MECR: variants seen among roughly 807,000 people sequenced by gnomAD.
MECR encodes the protein enoyl-[acyl-carrier-protein] reductase, mitochondrial.
A neutral mutation model predicts 49.1 loss-of-function variants in MECR; 37 were observed. The ratio of observed to expected loss-of-function variants is 0.75; its 90% confidence interval spans 0.58 to 0.99. The LOEUF (loss-of-function observed/expected upper bound fraction) is 0.99, where lower values mean the gene tolerates loss of function less well. Among genes scored for constraint, MECR ranks in the 50% least tolerant of loss-of-function variants. The pLI, the probability that MECR is intolerant of heterozygous loss-of-function variation, is 0.00. For missense variants in MECR, 470 were observed against 479.6 expected (o/e 0.98, Z 0.19); for synonymous variants, 198 against 191.1 (o/e 1.04, Z -0.30).
chr1:29,190,268 G>A (rs889447685), downstream of MECR, among the ~76,000 whole-genome samples: 1 of 152,168 alleles, frequency 6.6e-6, no homozygotes, highest in African/African-American at 2.4e-5. Flanking sequence ...CCAGCTATTC[G>A]GGAGGCTGAG....
the MECR span, among the ~76,000 whole-genome samples, chr1:29,174,697 T>TG: frequency 7.0e-6 from 1 of 142,424 alleles, no homozygotes; most frequent in African/African-American, 2.6e-5. Context: ...TTTTTTTTGA[T>TG]GGAGTCTTGC....
intron 3 of MECR, among the ~76,000 whole-genome samples, chr1:29,207,802 G>A (rs890076680): frequency 6.6e-6 from 1 of 152,062 alleles, no homozygotes; most frequent in Non-Finnish European, 1.5e-5. Flanking sequence ...TTGTAAGGGC[G>A]ATTCAGAGAG....
intron 7 of MECR, among the ~76,000 whole-genome samples, chr1:29,196,519 T>G (rs1674042983): frequency 6.6e-6 from 1 of 151,948 alleles, no homozygotes; most frequent in Non-Finnish European, 1.5e-5. Context: ...AGACCCCATC[T>G]CTACAAAAAA....
chr1:29,180,479 C>T, the MECR span, among the ~76,000 whole-genome samples: 1 of 152,194 alleles, frequency 6.6e-6, no homozygotes, highest in Non-Finnish European at 1.5e-5. Flanking sequence ...TTTGAGAATA[C>T]GGTAGCTACC....
At chr1:29,206,645 G>T in intron 4 of MECR, 117 bp downstream of exon 4, 1 of 1,167,526 alleles carries the variant, frequency 8.6e-7, no homozygotes, top group Non-Finnish European at 1.2e-6. Context: ...CCAGGTGAGA[G>T]GTCCATCACC....
chr1:29,230,438 CA>C (rs1182066140), intron 1 of MECR: 22 of 396,348 alleles, frequency 5.6e-5, no homozygotes, highest in Non-Finnish European at 1.0e-4. Context: ...ATAACTACCC[CA>C]AAACATTGTT....
intron 1 of MECR, chr1:29,224,493 CAA>C (rs1681559751): frequency 6.6e-6 from 1 of 152,118 alleles, no homozygotes; most frequent in East Asian, 1.9e-4. Flanking sequence ...ATTGTTGGAG[CAA>C]AGAGGATTCA....
At chr1:29,176,106 G>A in the MECR span, among the ~76,000 whole-genome samples, 1 of 152,056 alleles carries the variant, frequency 6.6e-6, no homozygotes, top group African/African-American at 2.4e-5. Context: ...CAAAAAATTA[G>A]CCGGGCGTGG....
the MECR span, among the ~76,000 whole-genome samples, chr1:29,176,721 G>C: frequency 1.3e-5 from 2 of 152,134 alleles, no homozygotes; most frequent in Non-Finnish European, 2.9e-5. Flanking sequence ...CACTCGAAGA[G>C]TCTTGAACTC....
downstream of MECR, among the ~76,000 whole-genome samples, chr1:29,188,829 G>A (rs1673073214): frequency 6.6e-6 from 1 of 151,894 alleles, no homozygotes; most frequent in Non-Finnish European, 1.5e-5. Context: ...TAATAGAGAT[G>A]GGGTTTCACC....
chr1:29,170,232 C>G, the MECR span: 3 of 152,064 alleles, frequency 2.0e-5, no homozygotes, highest in Admixed American at 6.6e-5. Flanking sequence ...AAGACTCAAC[C>G]ACAAATTAAA....
At chr1:29,226,482 G>C (rs1227877174) in intron 1 of MECR, among the ~76,000 whole-genome samples, 2 of 152,248 alleles carry the variant, frequency 1.3e-5, no homozygotes, top group African/African-American at 2.4e-5. Context: ...AAAATCATTT[G>C]AGACTTTGGG....
chr1:29,192,134 T>C (rs1673156185), downstream of MECR, among the ~76,000 whole-genome samples: 1 of 151,870 alleles, frequency 6.6e-6, no homozygotes, highest in Non-Finnish European at 1.5e-5. Flanking sequence ...TCCATATTGC[T>C]CCACTGCCTA....
At chr1:29,186,567 C>A in the MECR span, among the ~76,000 whole-genome samples, 1 of 152,214 alleles carries the variant, frequency 6.6e-6, no homozygotes, top group Non-Finnish European at 1.5e-5. Flanking sequence ...ACATAAAGAG[C>A]GTTTAAAATA....
Position 29,230,834 on chromosome 1 carries a change from C to T in MECR, c.73G>A (p.Gly25Ser). The T allele has an allele frequency of 2.5e-6, 4 of 1,607,726 alleles. No homozygotes were observed. Among genetic ancestry groups the T allele is most frequent in the Non-Finnish European group, 3.4e-6 (4 of 1,179,346 alleles). The change falls in exon 1 of 10, where the codon GGC (glycine) becomes AGC (serine). Residue 25 changes from glycine (G) to serine (S), a missense_variant. Coordinates refer to ENST00000263702, the MANE Select transcript of MECR (RefSeq NM_016011.5). Reference protein sequence around the residue: ...RQWRGLLPASGCHGPAASSYS... With the variant: ...RQWRGLLPASSCHGPAASSYS... ...GAGGAGGCGGCAGGTCCGTGACAGC[C>T]AGAAGCTGGGAGCAGCCCCCGCCAC... is the stretch of plus-strand genomic sequence containing the variant.
the MECR span, among the ~76,000 whole-genome samples, chr1:29,175,694 C>CAAAAAAAAA: frequency 0.014 from 555 of 38,558 alleles, 56 homozygotes; most frequent in South Asian, 0.05. Context: ...GACGCTGTCT[C>CAAAAAAAAA]AAAAAAAAAA....
At position 29,201,105 on chromosome 1, in the gene MECR, C is replaced by T. The variant is rs1444976482; in HGVS notation, c.757-516G>A. On this transcript the variant is annotated intron_variant, in intron 6 of 9. Coordinates refer to ENST00000263702, the MANE Select transcript of MECR (RefSeq NM_016011.5). The surrounding 1 kb of genome is among the most constrained non-coding windows in gnomAD (Gnocchi z 4.3). Reference sequence around the variant, plus strand: ...GTCACCTCATCCAGCCAAGAAGGGCCTTTTCTGTAGCAACTTAATCCTGTT... The same window carrying T: ...GTCACCTCATCCAGCCAAGAAGGGCTTTTTCTGTAGCAACTTAATCCTGTT... 1.3e-5 allele frequency among the ~76,000 whole-genome samples: 2 copies of T among 152,196 alleles called. No individual in the cohort carries two copies. The highest frequency in any genetic ancestry group is 1.9e-4 in the East Asian group (1 of 5,198).
chr1:29,186,905 G>A, the MECR span, among the ~76,000 whole-genome samples: 1 of 152,190 alleles, frequency 6.6e-6, no homozygotes, highest in African/African-American at 2.4e-5. Flanking sequence ...GTAAAGTGGT[G>A]ACATTAACAT....
At chr1:29,210,303 T>C (rs1677667097) in intron 3 of MECR, among the ~76,000 whole-genome samples, 1 of 152,194 alleles carries the variant, frequency 6.6e-6, no homozygotes, top group African/African-American at 2.4e-5. Context: ...TGAGTCACTG[T>C]ACCCGGCCCA....
Sources: gnomAD v4.1 joint callset for allele counts (sites outside exome capture counted in the v4.1 genomes callset) on GRCh38, gnomAD v4.1.1 for gene constraint, Gnocchi (gnomAD v3.1) non-coding constraint, MANE v1.5 for transcripts, NCBI Gene and HGNC (gene_info 2026-07-23, HGNC 2026-07-21) for gene names.